Variants in FBXW8 observed in about 807,000 individuals in gnomAD.
The protein encoded by FBXW8 is F-box and WD repeat domain containing 8, also known as F-box/WD repeat-containing protein 8.
In FBXW8, 57 loss-of-function variants were observed where a neutral mutation model predicts 65.3. That is an observed-to-expected ratio of 0.87 (90% confidence interval 0.71 to 1.09). FBXW8 has a LOEUF of 1.09. FBXW8 is among the 50% of genes least tolerant of loss of function. The probability of loss-of-function intolerance (pLI) is 0.00; values close to 1 mark genes in which losing one functional copy is unlikely to be tolerated. For missense variants in FBXW8, 777 were observed against 814.8 expected, an observed-to-expected ratio of 0.95 and a Z score of 0.57; for synonymous variants, 308 against 330.2, an observed-to-expected ratio of 0.93 and a Z score of 0.73.
chr12:117,002,995 G>A (rs1953572615), intron 7 of FBXW8: 1 of 152,218 alleles, frequency 6.6e-6, no homozygotes, highest in South Asian at 2.1e-4. Flanking sequence ...GTTTATGTGA[G>A]TAAATTCTAC....
intron 7 of FBXW8, among the ~76,000 whole-genome samples, chr12:117,008,655 G>A (rs2135706940): frequency 6.6e-6 from 1 of 152,316 alleles, no homozygotes; most frequent in Admixed American, 6.5e-5. Flanking sequence ...TTTCAAGGTA[G>A]AGAATATTTA....
chr12:116,923,718 AT>A (rs1357615133), intron 1 of FBXW8, among the ~76,000 whole-genome samples: 107 of 142,136 alleles, frequency 7.5e-4, no homozygotes, highest in African/African-American at 2.9e-3. Flanking sequence ...TAATTAATTA[AT>A]TTATTTATTT....
intron 5 of FBXW8, among the ~76,000 whole-genome samples, chr12:116,981,627 T>C (rs79415325): frequency 7.2e-6 from 1 of 139,326 alleles, no homozygotes; most frequent in Non-Finnish European, 1.6e-5. Flanking sequence ...TTTTTTTTTT[T>C]AATTGAGACA....
intron 5 of FBXW8, among the ~76,000 whole-genome samples, chr12:116,969,117 A>C (rs992812877): frequency 6.6e-6 from 1 of 152,114 alleles, no homozygotes; most frequent in African/African-American, 2.4e-5. Flanking sequence ...CAAGCTTGTC[A>C]GTCTTGTCCT....
chr12:116,985,222 G>C lies in FBXW8; in HGVS notation c.852G>C (p.Trp284Cys). The C allele has an allele frequency of 6.2e-7, 1 of 1,603,482 alleles. No individual in the cohort carries two copies. Among genetic ancestry groups the C allele is most frequent in the South Asian group, 1.1e-5 (1 of 88,358 alleles). ...GCTGCATAGGGTTTCTTAATATTTG[G>C]GATTTAAGGACCGGAAAGTACCCTG... is the stretch of plus-strand genomic sequence containing the variant. The part of the protein sequence containing the change: ...AAYEDGFLNI[W>C]DLRTGKYPVH... The change falls in exon 6 of 11, where the codon TGG becomes TGC. Residue 284 changes from tryptophan (W) to cysteine (C), a missense_variant. Trp to Cys is a radical substitution (Grantham distance 215). Coordinates refer to ENST00000652555, the MANE Select transcript of FBXW8 (RefSeq NM_153348.3).
chr12:116,935,487 C>T (rs762372396), intron 2 of FBXW8, among the ~76,000 whole-genome samples: 4 of 152,218 alleles, frequency 2.6e-5, no homozygotes, highest in Non-Finnish European at 5.9e-5. Flanking sequence ...CACTTTCACC[C>T]TTGCCGCCAG....
At chr12:116,992,678 T>C (rs1415283914) in intron 7 of FBXW8, among the ~76,000 whole-genome samples, 1 of 152,100 alleles carries the variant, frequency 6.6e-6, no homozygotes, top group Non-Finnish European at 1.5e-5. Flanking sequence ...TTGAGTTACT[T>C]CACTTAGGAT....
intron 5 of FBXW8, among the ~76,000 whole-genome samples, chr12:116,969,647 G>C (rs1884533537): frequency 6.6e-6 from 1 of 151,618 alleles, no homozygotes; most frequent in Non-Finnish European, 1.5e-5. Flanking sequence ...ATGAACTTCA[G>C]TTCTCTGGTT....
intron 7 of FBXW8, among the ~76,000 whole-genome samples, chr12:116,993,398 G>A (rs12296869): frequency 0.12 from 18,091 of 151,942 alleles, 1,234 homozygotes; most frequent in African/African-American, 0.19. Context: ...CACCGCACCC[G>A]GCCTGTTTTT....
intron 3 of FBXW8, among the ~76,000 whole-genome samples, chr12:116,947,017 G>T (rs925710622): frequency 6.6e-6 from 1 of 152,156 alleles, no homozygotes; most frequent in African/African-American, 2.4e-5. Context: ...CCGTGGTAGA[G>T]AAAAGCAGCA....
At chr12:116,969,382 AG>A (rs1772985371) in intron 5 of FBXW8, among the ~76,000 whole-genome samples, 1 of 152,238 alleles carries the variant, frequency 6.6e-6, no homozygotes, top group Non-Finnish European at 1.5e-5. Flanking sequence ...CCCAGACGTC[AG>A]GTGGCGTTAC....
intron 7 of FBXW8, among the ~76,000 whole-genome samples, chr12:117,000,933 G>C (rs1592944291): frequency 1.3e-5 from 2 of 152,222 alleles, no homozygotes; most frequent in Admixed American, 1.3e-4. Context: ...GCTCCACCTA[G>C]TGCCACCTCA....
intron 5 of FBXW8, among the ~76,000 whole-genome samples, chr12:116,981,165 CA>C (rs1885279904): frequency 6.6e-6 from 1 of 152,224 alleles, no homozygotes; most frequent in Non-Finnish European, 1.5e-5. Context: ...CAAGTCCTTG[CA>C]GTTTTGAGAT....
intron 3 of FBXW8, 200 bp from the exon 4 acceptor site, chr12:116,949,418 A>G (rs1883125989): frequency 5.2e-5 from 31 of 592,254 alleles, no homozygotes; most frequent in South Asian, 4.5e-4. Flanking sequence ...TGCCTTTGGG[A>G]TATATGGTAA....
In FBXW8 at chr12:116,945,393, G is replaced by A. The variant is rs777216791; in HGVS notation, c.453G>A (p.Glu151=). ...QVSKTWKVIA[E]DEVLWYRLCQ... ...GCAAGACGTGGAAGGTGATTGCAGA[G>A]GATGAGGTGCTGTGGTACAGGCTGT... is the stretch of plus-strand genomic sequence containing the variant. The change falls in exon 3 of 11, where the codon GAG becomes GAA. Residue 151 remains glutamate (E), a synonymous_variant. Transcript: ENST00000652555. 21 of 1,613,814 alleles carry A rather than the reference G, an allele frequency of 1.3e-5. No homozygotes were observed. The East Asian group carries it at 4.7e-4, about 36-fold the overall frequency.
chr12:117,016,316 A>C (rs558042493), intron 8 of FBXW8, among the ~76,000 whole-genome samples: 1 of 152,252 alleles, frequency 6.6e-6, no homozygotes, highest in East Asian at 1.9e-4. Flanking sequence ...CCACCTCCTC[A>C]CCAACACTTG....
intron 2 of FBXW8, among the ~76,000 whole-genome samples, chr12:116,942,770 ATTTT>A (rs71099022): frequency 3.1e-5 from 2 of 64,368 alleles, no homozygotes; most frequent in Non-Finnish European, 2.7e-5. Context: ...CAGAGCTTCT[ATTTT>A]TTTTTTTTTT....
intron 5 of FBXW8, among the ~76,000 whole-genome samples, chr12:116,971,192 GTC>G (rs1317986865): frequency 1.3e-5 from 2 of 151,866 alleles, no homozygotes; most frequent in Non-Finnish European, 2.9e-5. Flanking sequence ...GTGAGCCTCC[GTC>G]TCTACAAAAA....
chr12:117,024,036 GT>G, intron 8 of FBXW8, 110 bp from the exon 9 acceptor site: 1 of 1,151,770 alleles, frequency 8.7e-7, no homozygotes. Context: ...CAGCTGAGGA[GT>G]TTTTCATAGC....
Sources: gnomAD v4.1 joint callset for allele counts (sites outside exome capture counted in the v4.1 genomes callset) on GRCh38, gnomAD v4.1.1 for gene constraint, MANE v1.5 for transcripts, NCBI Gene and HGNC (gene_info 2026-07-23, HGNC 2026-07-21) for gene names.